The following NRIP1 variants were observed in gnomAD, a reference collection of about 807,000 sequenced individuals.
NRIP1 encodes the protein nuclear receptor interacting protein 1.
NRIP1 carries 28 observed loss-of-function variants against 75.0 expected under a neutral mutation model. The ratio of observed to expected loss-of-function variants is 0.37; its 90% CI spans 0.28 to 0.51. The LOEUF (loss-of-function observed/expected upper bound fraction) is 0.51. NRIP1 is among the 20% of genes least tolerant of loss of function. NRIP1 has a pLI of 0.92. For missense variants in NRIP1, 1,435 were observed against 1,343.7 expected (o/e 1.07, Z -1.06); for synonymous variants, 526 against 487.6 (o/e 1.08, Z -1.04).
intron 2 of NRIP1, among the ~76,000 whole-genome samples, chr21:15,015,148 G>A (rs748969171): frequency 7.2e-5 from 11 of 152,114 alleles, no homozygotes; most frequent in Non-Finnish European, 1.0e-4. Context: ...TAATTACCCT[G>A]AGTGCAAGAA....
At chr21:14,985,536 C>T (rs1051300119) in intron 3 of NRIP1, among the ~76,000 whole-genome samples, 2 of 152,094 alleles carry the variant, frequency 1.3e-5, no homozygotes, top group Admixed American at 6.6e-5. Context: ...CCCGCCTCGG[C>T]CCCCCAAAGT....
At position 15,040,432 on chromosome 21, in the gene NRIP1, T is replaced by A. The variant is rs562089646; in HGVS notation, c.-458+3063A>T. ...TAGGAAAGACCTAGAAAAAGATTAA[T>A]TTTTCAAATACTTATATGCTAGAAT... On this transcript the variant is annotated intron_variant, in intron 2 of 3. Coordinates refer to ENST00000318948, the MANE Select transcript of NRIP1 (RefSeq NM_003489.4). Among the ~76,000 whole-genome samples, 5 of 152,174 alleles carry A rather than the reference T, an allele frequency of 3.3e-5. No individual in the cohort carries two copies. The South Asian group carries it at 6.2e-4, about 19-fold the overall frequency.
chr21:14,968,164 T>A lies in NRIP1; in HGVS notation c.29A>T (p.Asp10Val). The change falls in exon 4 of 4, where the codon GAT (aspartate) becomes GTT (valine). Residue 10 changes from aspartate (D) to valine (V), a missense_variant. By Grantham distance (152) the Asp-to-Val change is radical. Coordinates refer to ENST00000318948, the MANE Select transcript of NRIP1 (RefSeq NM_003489.4). MTHGEELGS[D>V]VHQDSIVLTY... is the part of the protein sequence containing the mutation. ...TAAAACAATAGAATCCTGGTGCACA[T>A]CAGAGCCAAGCTCTTCTCCATGAGT... 6.2e-7 allele frequency: 1 copy of A among 1,612,802 alleles called. No individual in the cohort carries two copies. The highest frequency in any genetic ancestry group is 1.1e-5 in the South Asian group (1 of 90,850).
At chr21:14,984,114 G>A (rs2087323917) in intron 3 of NRIP1, among the ~76,000 whole-genome samples, 1 of 152,152 alleles carries the variant, frequency 6.6e-6, no homozygotes, top group Non-Finnish European at 1.5e-5. Flanking sequence ...TTGGATCTGG[G>A]CAGAGTCAAC....
intron 3 of NRIP1, among the ~76,000 whole-genome samples, chr21:14,987,166 T>A (rs2087427361): frequency 6.6e-6 from 1 of 152,310 alleles, no homozygotes; most frequent in African/African-American, 2.4e-5. Flanking sequence ...ATTTACCAAC[T>A]CTTTGATCAT....
intron 1 of NRIP1, among the ~76,000 whole-genome samples, chr21:15,062,377 T>G (rs1261271659): frequency 6.6e-6 from 1 of 152,236 alleles, no homozygotes; most frequent in Non-Finnish European, 1.5e-5. Context: ...CTCCTGTATT[T>G]TTGCTTTTGT....
intron 2 of NRIP1, among the ~76,000 whole-genome samples, chr21:15,021,813 G>C (rs1370661254): frequency 1.3e-5 from 2 of 152,176 alleles, no homozygotes; most frequent in Non-Finnish European, 2.9e-5. Context: ...CTGATCATTA[G>C]AGAAATGCAA....
chr21:15,014,991 T>A (rs1281837745), intron 2 of NRIP1, among the ~76,000 whole-genome samples: 1 of 152,162 alleles, frequency 6.6e-6, no homozygotes, highest in African/African-American at 2.4e-5. Flanking sequence ...GATTTATTTT[T>A]AATAGTCAAA....
At chr21:15,057,597 G>C (rs2147404633) in intron 1 of NRIP1, among the ~76,000 whole-genome samples, 1 of 152,318 alleles carries the variant, frequency 6.6e-6, no homozygotes, top group East Asian at 1.9e-4. Flanking sequence ...TGCAAATGCT[G>C]CATGAGTTTT....
intron 3 of NRIP1, among the ~76,000 whole-genome samples, chr21:14,978,530 T>C (rs2087141394): frequency 6.6e-6 from 1 of 152,226 alleles, no homozygotes; most frequent in African/African-American, 2.4e-5. Context: ...TTGGAACTTT[T>C]GCTTATCTCA....
At chr21:14,970,139 T>C (rs866849519) in intron 3 of NRIP1, among the ~76,000 whole-genome samples, 34 of 152,194 alleles carry the variant, frequency 2.2e-4, no homozygotes, top group African/African-American at 7.2e-4. Context: ...ATTGATGGCA[T>C]GTTGCTTAAT....
chr21:15,036,297 C>T (rs939221493), intron 2 of NRIP1, among the ~76,000 whole-genome samples: 1 of 152,108 alleles, frequency 6.6e-6, no homozygotes, highest in Admixed American at 6.6e-5. Flanking sequence ...AAAGGGTATC[C>T]CAATTGCACA....
chr21:14,966,911 T>A lies in NRIP1; in HGVS notation c.1282A>T (p.Ser428Cys). 1 of 1,614,148 alleles carries A rather than the reference T, an allele frequency of 6.2e-7. No homozygotes were observed. The highest frequency in any genetic ancestry group is 1.1e-5 in the South Asian group (1 of 91,084). ...SDNNPSFTDD[S>C]SGDESSYSNC... ...GAATAAGAACTTTCATCACCACTGCTGTCATCTGTAAAACTAGGATTGTTA... is the reference window on the plus strand; with the variant it reads ...GAATAAGAACTTTCATCACCACTGCAGTCATCTGTAAAACTAGGATTGTTA... The change falls in exon 4 of 4, where the codon AGC (serine) becomes TGC (cysteine). Residue 428 changes from serine (S) to cysteine (C), a missense_variant. Transcript: ENST00000318948.
chr21:14,966,232 AG>A lies in NRIP1; in HGVS notation c.1960del (p.Leu654CysfsTer2), dbSNP rs1196096082. On this transcript the variant is annotated frameshift_variant, in exon 4 of 4. Transcript: ENST00000318948. LOFTEE classifies it high-confidence loss of function. ...CGGTTTATCTGTGTTTCCAGTTAAC[AG>A]CTGTTTGCTGGGTCTCTGCTCTTCC... ...SVEEQRPSKQ[L>X]LTGNTDKPIG... The A allele has an allele frequency of 6.2e-7, 1 of 1,614,030 alleles. No individual in the cohort carries two copies. The highest frequency in any genetic ancestry group is 1.1e-5 in the South Asian group (1 of 91,074).
At chr21:15,064,705 G>T (rs1978707555) in intron 1 of NRIP1, 40 bp downstream of exon 1, 1 of 150,088 alleles carries the variant, frequency 6.7e-6, no homozygotes, top group South Asian at 2.1e-4. Context: ...CGGCGCCGGC[G>T]GCCGCTACTC....
chr21:15,050,317 A>C (rs2823023), intron 1 of NRIP1: 34,338 of 197,086 alleles, frequency 0.17, 3,575 homozygotes, highest in East Asian at 0.23. Context: ...ATAATCTGTT[A>C]AGATAACTTT....
chr21:15,050,777 A>C (rs766575451), intron 1 of NRIP1: 2 of 455,956 alleles, frequency 4.4e-6, no homozygotes, highest in African/African-American at 2.0e-5. Flanking sequence ...ACGCTTAGAG[A>C]AGGCAAAGGA....
At chr21:14,978,192 C>A (rs1372405732) in intron 3 of NRIP1, among the ~76,000 whole-genome samples, 13 of 152,140 alleles carry the variant, frequency 8.5e-5, no homozygotes, top group Admixed American at 5.9e-4. Context: ...AAGCATTCAA[C>A]GCAAGGACAC....
chr21:15,033,008 G>A (rs1236981945), intron 2 of NRIP1, among the ~76,000 whole-genome samples: 1 of 152,040 alleles, frequency 6.6e-6, no homozygotes, highest in Non-Finnish European at 1.5e-5. Context: ...GGTGGATCAC[G>A]AGGTCAGGAG....
Sources: allele counts gnomAD v4.1 joint callset (sites outside exome capture counted in the v4.1 genomes callset), GRCh38; gene constraint gnomAD v4.1.1; transcripts MANE v1.5; gene names NCBI Gene and HGNC (gene_info 2026-07-23, HGNC 2026-07-21).